Variants in UNC13A observed in about 807,000 individuals in gnomAD.
UNC13A encodes the protein unc-13 homolog A.
Under a neutral mutation model 219.7 loss-of-function variants are expected in UNC13A, and 61 were observed. That is an observed-to-expected ratio of 0.28 (90% CI 0.23 to 0.34). UNC13A has a LOEUF of 0.34. Ranked by LOEUF, UNC13A falls within the 10% of genes least tolerant of loss-of-function variation. UNC13A has a pLI of 1.00. For missense variants in UNC13A, 1,476 were observed against 2,270.3 expected, an observed-to-expected ratio of 0.65 and a Z score of 7.11; for synonymous variants, 920 against 884.6, an observed-to-expected ratio of 1.04 and a Z score of -0.71.
At chr19:17,661,268 A>G (rs2079546707) in intron 8 of UNC13A, among the ~76,000 whole-genome samples, 1 of 152,014 alleles carries the variant, frequency 6.6e-6, no homozygotes, top group Non-Finnish European at 1.5e-5. Context: ...CTTGTTTTTG[A>G]TAAATTGTGG....
At chr19:17,612,522 C>T (rs1476622534) in intron 41 of UNC13A, among the ~76,000 whole-genome samples, 1 of 152,142 alleles carries the variant, frequency 6.6e-6, no homozygotes. Flanking sequence ...TTCATCTACT[C>T]TCAGTATACC....
chr19:17,625,317 A>G (rs1448987188), intron 34 of UNC13A, among the ~76,000 whole-genome samples: 2 of 152,116 alleles, frequency 1.3e-5, no homozygotes, highest in Non-Finnish European at 2.9e-5. Context: ...GAGATCAGGG[A>G]CTATGAGGGA....
intron 8 of UNC13A, among the ~76,000 whole-genome samples, chr19:17,660,148 C>T (rs2079526081): frequency 1.3e-5 from 2 of 152,076 alleles, no homozygotes; most frequent in Non-Finnish European, 2.9e-5. Flanking sequence ...GCGATCCTCC[C>T]GCCTCAGCTT....
chr19:17,632,166 C>G (rs1444487323), intron 28 of UNC13A, among the ~76,000 whole-genome samples: 2 of 152,202 alleles, frequency 1.3e-5, no homozygotes, highest in Non-Finnish European at 2.9e-5. Flanking sequence ...CCACCTTGGC[C>G]TCCCAAAGTG....
chr19:17,671,807 C>G (rs186037853), intron 4 of UNC13A, among the ~76,000 whole-genome samples: 1 of 152,040 alleles, frequency 6.6e-6, no homozygotes, highest in Admixed American at 6.6e-5. Flanking sequence ...ATAGACATCA[C>G]TACTACCTGC....
chr19:17,609,866 T>C, intron 43 of UNC13A, 74 bp downstream of exon 43: 1 of 1,596,392 alleles, frequency 6.3e-7, no homozygotes, highest in Non-Finnish European at 8.6e-7. Context: ...ACCTCCTGCC[T>C]AGCTGGCTTT....
intron 8 of UNC13A, among the ~76,000 whole-genome samples, chr19:17,660,172 G>A (rs1372696215): frequency 6.6e-6 from 1 of 152,084 alleles, no homozygotes; most frequent in Non-Finnish European, 1.5e-5. Context: ...ACAGTGCTGG[G>A]ATTAGCCGTG....
chr19:17,615,113 G>C lies in UNC13A; in HGVS notation c.4558+2589C>G, dbSNP rs190134354. On this transcript the variant is annotated intron_variant, in intron 41 of 43. Coordinates refer to ENST00000519716, the MANE Select transcript of UNC13A (RefSeq NM_001080421.3). ...GGGAAGGTTCCTCGGACAAGTGGTT[G>C]AATCTCCTTTGGCTCTCAGTATCTC... 1.7e-4 allele frequency among the ~76,000 whole-genome samples: 26 copies of C among 152,356 alleles called. No homozygotes were observed. In the East Asian group the frequency reaches 1.7e-3, roughly 10 times the overall value.
chr19:17,660,348 G>A (rs945650325), intron 8 of UNC13A, among the ~76,000 whole-genome samples: 6 of 151,240 alleles, frequency 4.0e-5, no homozygotes, highest in African/African-American at 1.5e-4. Context: ...GATTCTTTTT[G>A]CTTTTGCCCA....
Position 17,663,570 on chromosome 19 carries a change from AC to A in UNC13A, c.524-4del, listed in dbSNP as rs1366017994. On this transcript the variant is annotated splice_region_variant and splice_polypyrimidine_tract_variant and intron_variant, in intron 7 of 43. Coordinates refer to ENST00000519716, the MANE Select transcript of UNC13A (RefSeq NM_001080421.3). Reference sequence around the variant, plus strand: ...CCAGCCAAAATAATTCCAGTTGCCTACAAAGAGAAGGGGCAGAAATAATAAA... The same window carrying A: ...CCAGCCAAAATAATTCCAGTTGCCTAAAAGAGAAGGGGCAGAAATAATAAA... 6.2e-7 allele frequency: 1 copy of A among 1,610,222 alleles called. No homozygotes were observed. Among genetic ancestry groups the A allele is most frequent in the Non-Finnish European group, 8.5e-7 (1 of 1,178,466 alleles).
At chr19:17,682,056 G>T (rs2080030090) in intron 1 of UNC13A, among the ~76,000 whole-genome samples, 1 of 150,656 alleles carries the variant, frequency 6.6e-6, no homozygotes, top group African/African-American at 2.4e-5. Context: ...GGGCTTAAGC[G>T]ATTCTCGTGC....
chr19:17,657,976 T>C, intron 9 of UNC13A, 86 bp downstream of exon 9: 1 of 1,415,500 alleles, frequency 7.1e-7, no homozygotes, highest in Admixed American at 2.0e-5. Flanking sequence ...GAACTCCACC[T>C]CCAGCTCTGT....
rs2071449305 is a variant in UNC13A, at chr19:17,675,845, A to C, written c.52+167T>G. ...CCCCCATACAAACTGCAGGGACCCC[A>C]GGCCAATGGCTGCCCCTCCCCCTAT... On this transcript the variant is annotated intron_variant, in intron 2 of 43. Transcript: ENST00000519716. 2.0e-5 allele frequency among the ~76,000 whole-genome samples: 3 copies of C among 152,058 alleles called. No homozygotes were observed. The South Asian group carries it at 6.2e-4, about 32-fold the overall frequency.
Position 17,610,083 on chromosome 19 carries a change from G to A in UNC13A, c.4668C>T (p.Asp1556=), listed in dbSNP as rs765742766. The part of the protein sequence containing the change: ...KVTVKVVAAN[D]LKWQTSGIFR... ...AGATGCCAGAAGTCTGCCACTTGAGGTCATTGGCAGCCACCACTGTTGGAG... is the reference window on the plus strand; with the variant it reads ...AGATGCCAGAAGTCTGCCACTTGAGATCATTGGCAGCCACCACTGTTGGAG... Residue 1556 remains aspartate, a synonymous_variant, in exon 43 of 44, where the codon GAC becomes GAT. Transcript: ENST00000519716. 2.5e-6 allele frequency: 4 copies of A among 1,614,052 alleles called. No homozygotes were observed. The South Asian group carries it at 4.4e-5, about 18-fold the overall frequency.
At chr19:17,619,460 G>C (rs2076704995) in intron 38 of UNC13A, among the ~76,000 whole-genome samples, 1 of 145,922 alleles carries the variant, frequency 6.9e-6, no homozygotes, top group Non-Finnish European at 1.5e-5. Flanking sequence ...TTTTGAGACA[G>C]AGTCTCCCTC....
At chr19:17,615,841 A>T (rs1034189060) in intron 41 of UNC13A, among the ~76,000 whole-genome samples, 2 of 151,952 alleles carry the variant, frequency 1.3e-5, no homozygotes, top group Non-Finnish European at 2.9e-5. Flanking sequence ...TAGCCATGTG[A>T]CGTGTGCCTG....
chr19:17,681,236 C>T (rs1364727248), intron 1 of UNC13A, among the ~76,000 whole-genome samples: 2 of 151,752 alleles, frequency 1.3e-5, no homozygotes, highest in Non-Finnish European at 2.9e-5. Context: ...AGTCTTGGGG[C>T]ACTGGCTCCC....
At chr19:17,640,756 G>T in intron 21 of UNC13A, 95 bp from the exon 22 acceptor site, 1 of 1,359,236 alleles carries the variant, frequency 7.4e-7, no homozygotes. Context: ...TCTGTGAGTG[G>T]GTCTCTGTCA....
chr19:17,678,927 G>A (rs1466914442), intron 1 of UNC13A, among the ~76,000 whole-genome samples: 1 of 152,052 alleles, frequency 6.6e-6, no homozygotes, highest in East Asian at 1.9e-4. Context: ...CAAGAGAGGA[G>A]AGTCTGGACA....
Sources: allele counts gnomAD v4.1 joint callset (sites outside exome capture counted in the v4.1 genomes callset), GRCh38; gene constraint gnomAD v4.1.1; transcripts MANE v1.5; gene names NCBI Gene and HGNC (gene_info 2026-07-23, HGNC 2026-07-21).